Variants in P3H2 observed in about 807,000 individuals in gnomAD.
P3H2 encodes prolyl 3-hydroxylase 2.
A neutral mutation model predicts 87.0 loss-of-function variants in P3H2; 80 were observed. The observed-to-expected ratio is 0.92, with a 90% confidence interval of 0.77 to 1.11. P3H2 has a LOEUF of 1.11. Among genes scored for constraint, P3H2 ranks in the 50% least tolerant of loss-of-function variants. The pLI is 0.00. For synonymous variants in P3H2, 367 were observed against 359.3 expected (o/e 1.02, Z -0.24); for missense variants, 1,001 against 923.9 (o/e 1.08, Z -1.08).
intron 1 of P3H2, among the ~76,000 whole-genome samples, chr3:190,093,441 A>T (rs1203155669): frequency 6.6e-6 from 1 of 152,180 alleles, no homozygotes; most frequent in Non-Finnish European, 1.5e-5. Flanking sequence ...GCCATAGAGG[A>T]AAGTTCTGCT....
chr3:190,055,644 A>G (rs894442688), intron 1 of P3H2, among the ~76,000 whole-genome samples: 7 of 152,270 alleles, frequency 4.6e-5, no homozygotes, highest in Admixed American at 3.9e-4. Flanking sequence ...AAACGATCAT[A>G]TTCTCTTGAA....
chr3:190,001,432 GAATT>G (rs1474730311), intron 1 of P3H2, among the ~76,000 whole-genome samples: 1 of 152,132 alleles, frequency 6.6e-6, no homozygotes, highest in African/African-American at 2.4e-5. Flanking sequence ...ATAAATGAAT[GAATT>G]CTTTTTCTAC....
rs550784725 is a variant in P3H2, at chr3:190,120,621, C to A, written c.111G>T (p.Glu37Asp). 1.3e-6 allele frequency: 2 copies of A among 1,531,838 alleles called. No individual in the cohort carries two copies. Among genetic ancestry groups the A allele is most frequent in the South Asian group, 2.4e-5 (2 of 83,000 alleles). 94.9% of individuals were successfully genotyped at this position (1,531,838 alleles called of 1,614,324 possible). A position where few individuals can be genotyped will look rare whatever the true frequency, so the allele number is the denominator to read the frequency against. Residue 37 changes from glutamate to aspartate, a missense_variant, in exon 1 of 15, where the codon GAG becomes GAT. Coordinates refer to ENST00000319332, the MANE Select transcript of P3H2 (RefSeq NM_018192.4). ...GGTCGAAGGGCTGCAGAGGCCCGGG[C>A]TCCAGCTCCAGCTCCCGGCGTGGGC... ...PDSPRRELEL[E>D]PGPLQPFDLL...
At chr3:190,081,715 T>C (rs914566828) in intron 1 of P3H2, among the ~76,000 whole-genome samples, 3 of 152,304 alleles carry the variant, frequency 2.0e-5, no homozygotes, top group Admixed American at 2.0e-4. Context: ...ATGCATTAAC[T>C]TCCTCAAAAC....
chr3:189,981,074 C>T (rs1359240356), intron 8 of P3H2, among the ~76,000 whole-genome samples: 2 of 152,228 alleles, frequency 1.3e-5, no homozygotes, highest in African/African-American at 4.8e-5. Flanking sequence ...CTCCTGCCAT[C>T]CCCCCATACC....
At chr3:190,112,527 T>C (rs187024896) in intron 1 of P3H2, among the ~76,000 whole-genome samples, 71 of 150,302 alleles carry the variant, frequency 4.7e-4, no homozygotes, top group Non-Finnish European at 2.5e-4. Context: ...TCTACCAATA[T>C]TTTCTCTTTC....
chr3:190,029,619 CCT>C (rs1292736089), intron 1 of P3H2, among the ~76,000 whole-genome samples: 2 of 151,884 alleles, frequency 1.3e-5, no homozygotes, highest in Non-Finnish European at 2.9e-5. Context: ...GTTATTTAAC[CCT>C]GTTCTAGAAA....
chr3:190,069,301 AAT>A (rs1294707365), intron 1 of P3H2, among the ~76,000 whole-genome samples: 2 of 152,186 alleles, frequency 1.3e-5, no homozygotes, highest in Non-Finnish European at 2.9e-5. Flanking sequence ...TGCTACCTTC[AAT>A]ATGAGGCCTA....
At position 190,058,452 on chromosome 3, in the gene P3H2, T is replaced by G. The variant is rs74696955; in HGVS notation, c.480+61800A>C. On this transcript the variant is annotated intron_variant, in intron 1 of 14. Transcript: ENST00000319332. ...TAGGAACTACAATGGGTTAAACTTGTGAAGTTTCAAATATGGGTCAAAGTT... is the reference window on the plus strand; with the variant it reads ...TAGGAACTACAATGGGTTAAACTTGGGAAGTTTCAAATATGGGTCAAAGTT... 6.6e-5 allele frequency among the ~76,000 whole-genome samples: 10 copies of G among 152,192 alleles called. No homozygotes were observed. The East Asian group carries it at 1.9e-3, about 29-fold the overall frequency.
At chr3:190,085,537 C>G (rs1577316054) in intron 1 of P3H2, among the ~76,000 whole-genome samples, 1 of 152,204 alleles carries the variant, frequency 6.6e-6, no homozygotes, top group African/African-American at 2.4e-5. Context: ...GATTAATATG[C>G]TCCTTCCTTG....
intron 1 of P3H2, among the ~76,000 whole-genome samples, chr3:190,038,486 G>GAAAAAAAAAAAAAAA (rs57971408): frequency 1.1e-5 from 1 of 92,622 alleles, no homozygotes. Context: ...ACTGCAGAAT[G>GAAAAAAAAAAAAAAA]AAAAAAAAAA....
At chr3:190,062,065 C>T (rs62279645) in intron 1 of P3H2, among the ~76,000 whole-genome samples, 3,761 of 152,066 alleles carry the variant, frequency 0.025, 52 homozygotes, top group South Asian at 0.047. Context: ...CTTACTTCTA[C>T]CCTTCAACAG....
intron 1 of P3H2, among the ~76,000 whole-genome samples, chr3:190,030,034 T>A (rs185214448): frequency 2.6e-5 from 4 of 151,624 alleles, no homozygotes; most frequent in East Asian, 3.9e-4. Flanking sequence ...GAAAAAAAGA[T>A]AATGTGCTGA....
At chr3:190,082,164 G>A (rs778450589) in intron 1 of P3H2, among the ~76,000 whole-genome samples, 9 of 152,186 alleles carry the variant, frequency 5.9e-5, no homozygotes, top group Non-Finnish European at 1.2e-4. Context: ...GCTGAGGCAG[G>A]AGAATCACCT....
intron 1 of P3H2, among the ~76,000 whole-genome samples, chr3:190,083,620 G>C (rs1336356080): frequency 2.6e-5 from 4 of 152,150 alleles, no homozygotes; most frequent in South Asian, 2.1e-4. Context: ...AGGCATAAAG[G>C]CAGCTCTAAA....
intron 1 of P3H2, among the ~76,000 whole-genome samples, chr3:190,110,098 C>T (rs1428732648): frequency 6.6e-6 from 1 of 152,112 alleles, no homozygotes; most frequent in Non-Finnish European, 1.5e-5. Context: ...ATCCACGCTC[C>T]TCAGCCTCCC....
chr3:189,972,837 G>A (rs371726267), intron 11 of P3H2, 37 bp downstream of exon 11: 60 of 1,609,466 alleles, frequency 3.7e-5, no homozygotes, highest in Non-Finnish European at 3.3e-5. Flanking sequence ...CCAATGTATT[G>A]TGGGTAAAAG....
chr3:190,024,892 C>T (rs1725042048), intron 1 of P3H2, among the ~76,000 whole-genome samples: 1 of 152,094 alleles, frequency 6.6e-6, no homozygotes, highest in South Asian at 2.1e-4. Context: ...AATGGAAACC[C>T]TTCTCCACCC....
chr3:190,010,444 A>G (rs1724549959), intron 1 of P3H2, among the ~76,000 whole-genome samples: 1 of 152,226 alleles, frequency 6.6e-6, no homozygotes, highest in African/African-American at 2.4e-5. Flanking sequence ...AAATGAGGCC[A>G]TAAGGGTGGG....
Sources: gnomAD v4.1 joint callset for allele counts (sites outside exome capture counted in the v4.1 genomes callset) on GRCh38, gnomAD v4.1.1 for gene constraint, MANE v1.5 for transcripts, NCBI Gene and HGNC (gene_info 2026-07-23, HGNC 2026-07-21) for gene names.